TRAF5: variants seen among roughly 807,000 people sequenced by gnomAD.
TRAF5 encodes TNF receptor-associated factor 5.
In TRAF5, 48 loss-of-function variants were observed where a neutral mutation model predicts 64.5. That is an observed-to-expected ratio of 0.74 (90% CI 0.59 to 0.95). The LOEUF is 0.95. Among genes scored for constraint, TRAF5 ranks in the 40% least tolerant of loss-of-function variants. TRAF5 has a pLI of 0.00. For synonymous variants in TRAF5, 206 were observed against 240.5 expected (o/e 0.86, Z 1.33); for missense variants, 545 against 662.8 (o/e 0.82, Z 1.95).
chr1:211,363,910 CA>C (rs35539677), intron 7 of TRAF5, among the ~76,000 whole-genome samples: 41,758 of 85,620 alleles, frequency 0.49, 6,897 homozygotes, highest in Middle Eastern at 0.54. Flanking sequence ...GACCCTGTCT[CA>C]AAAAAAAAAA....
intron 7 of TRAF5, among the ~76,000 whole-genome samples, chr1:211,361,453 TGAG>T (rs1051243259): frequency 6.6e-6 from 1 of 152,144 alleles, no homozygotes; most frequent in African/African-American, 2.4e-5. Flanking sequence ...GCTGCAGTCT[TGAG>T]GAGAAGCATT....
rs1337621054 is a variant in TRAF5 at position 211,365,667 on chromosome 1, ATCC to A, written c.789+205_789+207del. ...AGGTGCCCTTAGGATCCTTGGGTCCATCCTCCTCATTCAACAGATAAAATAACT... is the reference window on the plus strand; with the variant it reads ...AGGTGCCCTTAGGATCCTTGGGTCCATCCTCATTCAACAGATAAAATAACT... On this transcript the variant is annotated intron_variant, in intron 8 of 10. Coordinates refer to ENST00000261464, the MANE Select transcript of TRAF5 (RefSeq NM_001033910.3). Among the ~76,000 whole-genome samples the A allele has an allele frequency of 2.0e-5, 3 of 152,246 alleles. No individual in the cohort carries two copies. In the East Asian group the frequency reaches 5.8e-4, roughly 29 times the overall value.
chr1:211,359,851 C>G (rs1315735073), intron 4 of TRAF5, 61 bp from the exon 5 acceptor site: 10 of 1,605,748 alleles, frequency 6.2e-6, no homozygotes, highest in Non-Finnish European at 8.5e-6. Context: ...GGCCTTCCAG[C>G]TGACTTCTTT....
intron 8 of TRAF5, among the ~76,000 whole-genome samples, chr1:211,367,342 A>T (rs1277151993): frequency 6.6e-6 from 1 of 152,368 alleles, no homozygotes; most frequent in East Asian, 1.9e-4. Flanking sequence ...GTTTGCAGCC[A>T]GGCTGCACAC....
intron 5 of TRAF5, 122 bp downstream of exon 5, chr1:211,360,198 T>A: frequency 8.9e-7 from 1 of 1,122,400 alleles, no homozygotes; most frequent in Non-Finnish European, 1.3e-6. Context: ...GAATTAGGTC[T>A]AAAGAATTTG....
intron 7 of TRAF5, 101 bp downstream of exon 7, chr1:211,361,263 C>A: frequency 9.4e-7 from 1 of 1,058,966 alleles, no homozygotes; most frequent in Non-Finnish European, 1.4e-6. Flanking sequence ...GAAAGACATA[C>A]AGTTCTGAGA....
intron 1 of TRAF5, among the ~76,000 whole-genome samples, chr1:211,335,053 T>C (rs578177767): frequency 6.6e-6 from 1 of 152,300 alleles, no homozygotes; most frequent in East Asian, 1.9e-4. Flanking sequence ...TGCTTGTAGG[T>C]CTCAATGGTG....
intron 7 of TRAF5, 121 bp from the exon 8 acceptor site, chr1:211,365,255 C>A (rs75135266): frequency 0.035 from 24,606 of 704,332 alleles, 546 homozygotes; most frequent in South Asian, 0.06. Flanking sequence ...GAGACTGGTG[C>A]GTGTTTAAAC....
rs181445445 is a variant in TRAF5, at chr1:211,348,887, C to A, written c.-1-4352C>A. Among the ~76,000 whole-genome samples, 10 of 152,004 alleles carry A rather than the reference C, an allele frequency of 6.6e-5. No individual in the cohort carries two copies. In the East Asian group the frequency reaches 1.9e-3, roughly 29 times the overall value. On this transcript the variant is annotated intron_variant, in intron 1 of 10. Transcript: ENST00000261464. Reference sequence around the variant, plus strand: ...TAGTGTCCATCCTATGGATCTTTGGCTCCTCAAGTTTTAAGAGTGTTATCT... The same window carrying A: ...TAGTGTCCATCCTATGGATCTTTGGATCCTCAAGTTTTAAGAGTGTTATCT...
At chr1:211,363,120 T>C (rs1490666658) in intron 7 of TRAF5, among the ~76,000 whole-genome samples, 1 of 152,208 alleles carries the variant, frequency 6.6e-6, no homozygotes, top group Non-Finnish European at 1.5e-5. Context: ...TCACTTTTTT[T>C]AGGGCAATTT....
In TRAF5 at chr1:211,344,822, C is replaced by T. The variant is rs368775649; in HGVS notation, c.-1-8417C>T. Among the ~76,000 whole-genome samples, 12 of 152,268 alleles carry T rather than the reference C, an allele frequency of 7.9e-5. No homozygotes were observed. The East Asian group carries it at 9.7e-4, about 12-fold the overall frequency. On this transcript the variant is annotated intron_variant, in intron 1 of 10. Transcript: ENST00000261464. ...AGTGCAGTGGCGTGAACAATGAACACGGCTCACTGCAGCCTCGACCTCCCA... is the reference window on the plus strand; with the variant it reads ...AGTGCAGTGGCGTGAACAATGAACATGGCTCACTGCAGCCTCGACCTCCCA...
chr1:211,328,231 A>T (rs1558128232), intron 1 of TRAF5, among the ~76,000 whole-genome samples: 1 of 152,134 alleles, frequency 6.6e-6, no homozygotes, highest in Non-Finnish European at 1.5e-5. Flanking sequence ...CTCTAATTTG[A>T]ACTAGAAAGA....
At chr1:211,347,242 GTATC>G (rs974240963) in intron 1 of TRAF5, among the ~76,000 whole-genome samples, 32 of 152,318 alleles carry the variant, frequency 2.1e-4, no homozygotes, top group African/African-American at 7.2e-4. Context: ...CCAGCTGAAA[GTATC>G]TAATTAATTA....
At chr1:211,368,536 T>A (rs1271753911) in intron 8 of TRAF5, among the ~76,000 whole-genome samples, 1 of 152,140 alleles carries the variant, frequency 6.6e-6, no homozygotes, top group Non-Finnish European at 1.5e-5. Flanking sequence ...GCAGGACCAG[T>A]TAGAAAGCTG....
Position 211,359,990 on chromosome 1 carries a change from C to G in TRAF5, c.457C>G (p.Leu153Val). ...CCGGGAGCCAGTCCTACGGAAAGAC[C>G]TGAAAGAGCATTTGAGTGCATCCTG... Reference protein sequence around the residue: ...KCREPVLRKDLKEHLSASCQF... With the variant: ...KCREPVLRKDVKEHLSASCQF... The change falls in exon 5 of 11, where the codon CTG becomes GTG. Residue 153 changes from leucine to valine, a missense_variant. Coordinates refer to ENST00000261464, the MANE Select transcript of TRAF5 (RefSeq NM_001033910.3). 5 of 1,614,088 alleles carry G rather than the reference C, an allele frequency of 3.1e-6. No homozygotes were observed. Among genetic ancestry groups the G allele is most frequent in the Non-Finnish European group, 4.2e-6 (5 of 1,179,964 alleles).
At chr1:211,358,994 T>A (rs995959365) in intron 4 of TRAF5, 24 of 152,074 alleles carry the variant, frequency 1.6e-4, no homozygotes, top group African/African-American at 4.3e-4. Flanking sequence ...TTACCTAGGC[T>A]GGAGCGCAGT....
intron 1 of TRAF5, among the ~76,000 whole-genome samples, chr1:211,346,778 C>G (rs1401666594): frequency 6.6e-6 from 1 of 152,130 alleles, no homozygotes; most frequent in Non-Finnish European, 1.5e-5. Flanking sequence ...CATATGTTCT[C>G]CAGAAATGAA....
intron 1 of TRAF5, among the ~76,000 whole-genome samples, chr1:211,347,138 G>C (rs546875454): frequency 7.9e-5 from 12 of 151,978 alleles, no homozygotes; most frequent in African/African-American, 2.7e-4. Flanking sequence ...TGTTGTTCCT[G>C]TTACGTAAGC....
chr1:211,367,072 C>G (rs778228895), intron 8 of TRAF5, among the ~76,000 whole-genome samples: 6 of 152,104 alleles, frequency 3.9e-5, no homozygotes, highest in Non-Finnish European at 5.9e-5. Context: ...ATCTCTGCCT[C>G]CTAGGCTCAA....
Sources: allele counts gnomAD v4.1 joint callset (sites outside exome capture counted in the v4.1 genomes callset), GRCh38; gene constraint gnomAD v4.1.1; transcripts MANE v1.5; gene names NCBI Gene and HGNC (gene_info 2026-07-23, HGNC 2026-07-21).